SLC4A5: variants seen among roughly 807,000 people sequenced by gnomAD.
SLC4A5 encodes the protein electrogenic sodium bicarbonate cotransporter 4.
In SLC4A5, 96 loss-of-function variants were observed where a neutral mutation model predicts 120.4. The observed-to-expected ratio is 0.80, with a 90% CI of 0.68 to 0.94. The LOEUF (loss-of-function observed/expected upper bound fraction) is 0.94. Among genes scored for constraint, SLC4A5 ranks in the 40% least tolerant of loss-of-function variants. The probability of loss-of-function intolerance (pLI) is 0.00; values close to 1 mark genes in which losing one functional copy is unlikely to be tolerated. For synonymous variants in SLC4A5, 550 were observed against 571.1 expected, an observed-to-expected ratio of 0.96 and a Z score of 0.53; for missense variants, 1,259 against 1,459.5, an observed-to-expected ratio of 0.86 and a Z score of 2.24.
Position 74,252,054 on chromosome 2 carries a change from G to T in SLC4A5, c.1478+125C>A. 7.7e-6 allele frequency: 8 copies of T among 1,038,930 alleles called. 2 individuals carry two copies. The South Asian group carries it at 1.1e-4, about 14-fold the overall frequency. 64.4% of individuals were successfully genotyped at this position (1,038,930 alleles called of 1,614,324 possible). ...GATGGGGTTCAAGGGCTCTGGGAGG[G>T]AAAGAAGGCAGGGGTGACCTCGAGT... On this transcript the variant is annotated intron_variant, in intron 16 of 30. Transcript: ENST00000394019.
At chr2:74,324,583 C>A (rs1673174690) in intron 5 of SLC4A5, among the ~76,000 whole-genome samples, 1 of 152,148 alleles carries the variant, frequency 6.6e-6, no homozygotes, top group African/African-American at 2.4e-5. Flanking sequence ...AAGTAACTCC[C>A]AATTTATATT....
intron 4 of SLC4A5, among the ~76,000 whole-genome samples, chr2:74,329,905 T>C (rs1003811395): frequency 6.6e-6 from 1 of 151,020 alleles, no homozygotes; most frequent in African/African-American, 2.4e-5. Flanking sequence ...GAGATGTAGA[T>C]GGAGGTGGTA....
chr2:74,330,010 G>A (rs941141784), intron 4 of SLC4A5, among the ~76,000 whole-genome samples: 7 of 151,762 alleles, frequency 4.6e-5, no homozygotes, highest in Non-Finnish European at 8.8e-5. Context: ...ACATGGTGAT[G>A]AGGTGTGGAC....
At chr2:74,216,252 G>A (rs1457758761) in exon 31 of SLC4A5, 1 of 152,172 alleles carries the variant, frequency 6.6e-6, no homozygotes, top group African/African-American at 2.4e-5. Context: ...TGACCAGACA[G>A]GATTAAATTT....
intron 5 of SLC4A5, among the ~76,000 whole-genome samples, chr2:74,315,899 T>C (rs1450933077): frequency 2.6e-5 from 4 of 152,136 alleles, no homozygotes; most frequent in African/African-American, 9.7e-5. Flanking sequence ...TTAAAAATTA[T>C]AATTCCATTA....
intron 4 of SLC4A5, among the ~76,000 whole-genome samples, chr2:74,330,868 AGGAGGT>A (rs1558917622): frequency 0.023 from 344 of 14,816 alleles, 39 homozygotes; most frequent in African/African-American, 0.025. Flanking sequence ...GGTGAGGTAT[AGGAGGT>A]GGTGAGGTCT....
rs1425005403 is a variant in SLC4A5 at position 74,221,514 on chromosome 2, T to G, written c.3332-13A>C. On this transcript the variant is annotated splice_polypyrimidine_tract_variant and intron_variant, in intron 29 of 30. Transcript: ENST00000394019. ...GAAGATCTTTTTCCTGGCAGGAAAATGAAAAATGTCAGATGTGGAGCAGGT... is the reference window on the plus strand; with the variant it reads ...GAAGATCTTTTTCCTGGCAGGAAAAGGAAAAATGTCAGATGTGGAGCAGGT... 5 of 1,613,670 alleles carry G rather than the reference T, an allele frequency of 3.1e-6. No individual in the cohort carries two copies. Among genetic ancestry groups the G allele is most frequent in the South Asian group, 2.2e-5 (2 of 91,072 alleles).
At chr2:74,223,067 C>T (rs937653432) in intron 28 of SLC4A5, 115 bp from the exon 29 acceptor site, 36 of 602,650 alleles carry the variant, frequency 6.0e-5, no homozygotes, top group African/African-American at 3.5e-4. Flanking sequence ...TGCAGTGGTG[C>T]GATCTCGGCT....
Position 74,316,747 on chromosome 2 carries a change from A to G in SLC4A5, c.-2-1722T>C, listed in dbSNP as rs545882137. On this transcript the variant is annotated intron_variant, in intron 5 of 30. Coordinates refer to ENST00000394019, the Ensembl canonical transcript of SLC4A5. ...AAGCAATATTAGAACAATTTGCAGC[A>G]CATCTACCAGCAGATGCTGACTAAC... Among the ~76,000 whole-genome samples the G allele has an allele frequency of 2.0e-5, 3 of 152,314 alleles. No individual in the cohort carries two copies. The East Asian group carries it at 5.8e-4, about 29-fold the overall frequency.
chr2:74,333,102 A>T (rs1379106474), intron 4 of SLC4A5, among the ~76,000 whole-genome samples: 1 of 152,186 alleles, frequency 6.6e-6, no homozygotes, highest in African/African-American at 2.4e-5. Flanking sequence ...CCCTGGGCAC[A>T]TCTGGCAATG....
At chr2:74,340,985 C>A (rs1470455110) in intron 2 of SLC4A5, among the ~76,000 whole-genome samples, 1 of 152,094 alleles carries the variant, frequency 6.6e-6, no homozygotes, top group Non-Finnish European at 1.5e-5. Flanking sequence ...CATTCAGGGG[C>A]AAAGCAAGAG....
chr2:74,219,595 A>G (rs1694559968), intron 30 of SLC4A5, among the ~76,000 whole-genome samples: 1 of 152,118 alleles, frequency 6.6e-6, no homozygotes, highest in Non-Finnish European at 1.5e-5. Context: ...ATCTCCAGTT[A>G]CCAAAGTTTC....
At chr2:74,295,331 A>G (rs1006822851) in intron 7 of SLC4A5, among the ~76,000 whole-genome samples, 1 of 152,186 alleles carries the variant, frequency 6.6e-6, no homozygotes, top group Non-Finnish European at 1.5e-5. Context: ...CTAATATCTC[A>G]TTTTAAAAAT....
intron 27 of SLC4A5, among the ~76,000 whole-genome samples, chr2:74,226,645 G>A (rs1222514613): frequency 6.6e-6 from 1 of 151,990 alleles, no homozygotes; most frequent in Non-Finnish European, 1.5e-5. Context: ...TTTGGCAGTG[G>A]GAACTCGGTC....
chr2:74,218,557 G>A (rs1481559245), exon 31 of SLC4A5: 1 of 152,542 alleles, frequency 6.6e-6, no homozygotes, highest in Non-Finnish European at 1.5e-5. Flanking sequence ...CAGGCACAGA[G>A]AAGTTAAGAC....
intron 30 of SLC4A5, among the ~76,000 whole-genome samples, chr2:74,220,569 T>G (rs570751253): frequency 2.0e-5 from 3 of 152,058 alleles, no homozygotes; most frequent in African/African-American, 4.8e-5. Flanking sequence ...CAGGCTGGAG[T>G]GCAGTGGCGT....
chr2:74,232,552 G>A (rs766048395), exon 24 of SLC4A5: 2 of 1,613,846 alleles, frequency 1.2e-6, no homozygotes, highest in African/African-American at 2.7e-5. Context: ...CGATGGAGAT[G>A]ACCGTGGCAG....
intron 20 of SLC4A5, among the ~76,000 whole-genome samples, chr2:74,241,433 TATC>T (rs1229747448): frequency 6.6e-6 from 1 of 151,614 alleles, no homozygotes; most frequent in Non-Finnish European, 1.5e-5. Context: ...ACCCAGCTCG[TATC>T]ATATTATTAA....
At chr2:74,247,124 G>T (rs768212732) in exon 19 of SLC4A5, 1 of 1,614,186 alleles carries the variant, frequency 6.2e-7, no homozygotes, top group Non-Finnish European at 8.5e-7. Flanking sequence ...TGAAGGCACC[G>T]ATCATCTTCT....
Sources: gnomAD v4.1 joint callset for allele counts (sites outside exome capture counted in the v4.1 genomes callset) on GRCh38, gnomAD v4.1.1 for gene constraint, MANE v1.5 for transcripts, NCBI Gene and HGNC (gene_info 2026-07-23, HGNC 2026-07-21) for gene names.